The following PLCL2 variants were observed in gnomAD, a reference collection of about 807,000 sequenced individuals.
PLCL2 encodes inactive phospholipase C-like protein 2.
Under a neutral mutation model 79.6 loss-of-function variants are expected in PLCL2, and 4 were observed. The ratio of observed to expected loss-of-function variants is 0.05; its 90% confidence interval spans 0.02 to 0.11. The LOEUF (loss-of-function observed/expected upper bound fraction) is 0.11, where lower values mean the gene tolerates loss of function less well. Among genes scored for constraint, PLCL2 ranks in the 10% least tolerant of loss-of-function variants. PLCL2 has a pLI of 1.00. For synonymous variants in PLCL2, 484 were observed against 457.7 expected, an observed-to-expected ratio of 1.06 and a Z score of -0.73; for missense variants, 895 against 1,291.0, an observed-to-expected ratio of 0.69 and a Z score of 4.70.
chr3:16,919,339 A>T (rs766541773), intron 1 of PLCL2, among the ~76,000 whole-genome samples: 9 of 152,132 alleles, frequency 5.9e-5, no homozygotes, highest in Non-Finnish European at 1.0e-4. Context: ...TCATCAAATT[A>T]TCTCGCCTTT....
intron 4 of PLCL2, among the ~76,000 whole-genome samples, chr3:17,058,751 A>G (rs1207061945): frequency 6.6e-6 from 1 of 152,184 alleles, no homozygotes; most frequent in African/African-American, 2.4e-5. Flanking sequence ...TGTCAGCAAG[A>G]TGCAGAAGAA....
chr3:16,968,337 T>A (rs2063826026), intron 1 of PLCL2, among the ~76,000 whole-genome samples: 1 of 152,196 alleles, frequency 6.6e-6, no homozygotes, highest in African/African-American at 2.4e-5. Context: ...AGGAATAGCA[T>A]TGAATCTATA....
intron 1 of PLCL2, among the ~76,000 whole-genome samples, chr3:16,992,203 G>A (rs2064111268): frequency 1.3e-5 from 2 of 152,118 alleles, no homozygotes; most frequent in South Asian, 2.1e-4. Flanking sequence ...GGTGGTGATC[G>A]GGGTGGAGTG....
chr3:17,030,165 G>A (rs560501871), intron 3 of PLCL2, among the ~76,000 whole-genome samples: 1 of 152,038 alleles, frequency 6.6e-6, no homozygotes, highest in African/African-American at 2.4e-5. Flanking sequence ...GGCCTTAAGC[G>A]ATCCTCCAAC....
intron 1 of PLCL2, among the ~76,000 whole-genome samples, chr3:17,004,055 C>G (rs1005939530): frequency 6.6e-6 from 1 of 152,184 alleles, no homozygotes; most frequent in Non-Finnish European, 1.5e-5. Flanking sequence ...ACATCTTCTT[C>G]CCACGCTCTA....
At chr3:16,967,569 T>C (rs917277755) in intron 1 of PLCL2, among the ~76,000 whole-genome samples, 2 of 152,158 alleles carry the variant, frequency 1.3e-5, no homozygotes, top group Non-Finnish European at 2.9e-5. Flanking sequence ...TGTCTTCTTT[T>C]GAAAAGTGTC....
chr3:17,044,081 G>A (rs994962962), intron 4 of PLCL2: 2 of 152,382 alleles, frequency 1.3e-5, no homozygotes, highest in Non-Finnish European at 2.9e-5. Flanking sequence ...TCTCAAGTTG[G>A]TGTGTGAGGC....
intron 1 of PLCL2, among the ~76,000 whole-genome samples, chr3:16,912,426 G>A (rs1575525307): frequency 1.3e-5 from 2 of 152,154 alleles, no homozygotes; most frequent in Non-Finnish European, 1.5e-5. Context: ...AAAATTGAAG[G>A]TCCATGTGGT....
At chr3:16,949,602 G>A (rs1226088510) in intron 1 of PLCL2, among the ~76,000 whole-genome samples, 1 of 152,054 alleles carries the variant, frequency 6.6e-6, no homozygotes, top group Non-Finnish European at 1.5e-5. Context: ...TCTTTTATCA[G>A]GCAGAAGTTT....
chr3:16,946,903 AG>A lies in PLCL2; in HGVS notation c.327+61538del, dbSNP rs569509852. On this transcript the variant is annotated intron_variant, in intron 1 of 5. Transcript: ENST00000615277. Reference sequence around the variant, plus strand: ...TCAGGGAGAGCTTTTCTTTTATATTAGTTTTCCCATATAAGAGTAAATGAAT... The same window carrying A: ...TCAGGGAGAGCTTTTCTTTTATATTATTTTCCCATATAAGAGTAAATGAAT... Among the ~76,000 whole-genome samples the A allele has an allele frequency of 2.0e-4, 30 of 147,918 alleles. No homozygotes were observed. The East Asian group carries it at 5.8e-3, about 28-fold the overall frequency.
intron 1 of PLCL2, among the ~76,000 whole-genome samples, chr3:16,977,624 GGT>G (rs2063940124): frequency 6.6e-6 from 1 of 152,146 alleles, no homozygotes; most frequent in Admixed American, 6.5e-5. Flanking sequence ...TAGAAGACAA[GGT>G]GTGTGTCTCA....
chr3:16,943,886 T>G (rs1395108437), intron 1 of PLCL2, among the ~76,000 whole-genome samples: 1 of 152,234 alleles, frequency 6.6e-6, no homozygotes, highest in African/African-American at 2.4e-5. Context: ...TTAATCACCC[T>G]TTGGATCCTT....
chr3:16,939,876 A>G (rs1049676592), intron 1 of PLCL2, among the ~76,000 whole-genome samples: 1 of 152,198 alleles, frequency 6.6e-6, no homozygotes, highest in Non-Finnish European at 1.5e-5. Flanking sequence ...GGGAAGAAAC[A>G]GTCTATTTTC....
intron 4 of PLCL2, among the ~76,000 whole-genome samples, chr3:17,059,671 C>T (rs569208375): frequency 1.3e-5 from 2 of 151,992 alleles, no homozygotes; most frequent in African/African-American, 4.8e-5. Flanking sequence ...GAGAATATGC[C>T]GTTTGTGCTG....
At chr3:17,050,180 AT>A (rs1190390386) in intron 4 of PLCL2, among the ~76,000 whole-genome samples, 1 of 152,136 alleles carries the variant, frequency 6.6e-6, no homozygotes, top group Non-Finnish European at 1.5e-5. Flanking sequence ...CAGAAATCAA[AT>A]CAAAATTTAA....
intron 1 of PLCL2, among the ~76,000 whole-genome samples, chr3:16,904,994 A>T (rs1379167622): frequency 1.3e-5 from 2 of 152,182 alleles, no homozygotes; most frequent in Non-Finnish European, 2.9e-5. Context: ...GTATTTCTTC[A>T]TAGCAGCGTG....
intron 1 of PLCL2, among the ~76,000 whole-genome samples, chr3:16,890,001 A>AT (rs1325803771): frequency 6.6e-6 from 1 of 152,230 alleles, no homozygotes; most frequent in Non-Finnish European, 1.5e-5. Flanking sequence ...AACCTGGATC[A>AT]TTAAGGTCAG....
At chr3:17,040,106 A>G (rs1249339887) in intron 3 of PLCL2, among the ~76,000 whole-genome samples, 1 of 152,204 alleles carries the variant, frequency 6.6e-6, no homozygotes, top group Non-Finnish European at 1.5e-5. Context: ...CCATAGTCCC[A>G]GTGCAGCAAT....
At chr3:16,970,058 A>ATATATT (rs1553640074) in intron 1 of PLCL2, among the ~76,000 whole-genome samples, 70 of 145,764 alleles carry the variant, frequency 4.8e-4, no homozygotes, top group East Asian at 2.4e-3. Context: ...ATATATATAT[A>ATATATT]TTTTATTTTA....
Sources: gnomAD v4.1 joint callset for allele counts (sites outside exome capture counted in the v4.1 genomes callset) on GRCh38, gnomAD v4.1.1 for gene constraint, MANE v1.5 for transcripts, NCBI Gene and HGNC (gene_info 2026-07-23, HGNC 2026-07-21) for gene names.